XKR6: variants seen among roughly 807,000 people sequenced by gnomAD.
XKR6 encodes the protein XK-related protein 6.
A neutral mutation model predicts 56.7 loss-of-function variants in XKR6; 22 were observed. The observed-to-expected ratio is 0.39, with a 90% CI of 0.28 to 0.55. The LOEUF is 0.55. Among genes scored for constraint, XKR6 ranks in the 20% least tolerant of loss-of-function variants. The pLI is 0.66. For missense variants in XKR6, 852 were observed against 889.0 expected, an observed-to-expected ratio of 0.96 and a Z score of 0.53; for synonymous variants, 524 against 387.8, an observed-to-expected ratio of 1.35 and a Z score of -4.13.
intron 1 of XKR6, among the ~76,000 whole-genome samples, chr8:11,191,933 A>G (rs972571711): frequency 1.3e-5 from 2 of 152,204 alleles, no homozygotes; most frequent in Non-Finnish European, 2.9e-5. Flanking sequence ...GCTTTGTAGA[A>G]TGATTCTAAA....
At chr8:10,931,834 AC>A (rs66724330) in intron 1 of XKR6, among the ~76,000 whole-genome samples, 46,438 of 147,766 alleles carry the variant, frequency 0.31, 7,939 homozygotes, top group African/African-American at 0.46. Context: ...CATAAAAAAA[AC>A]AAAAAAGATA....
intron 1 of XKR6, among the ~76,000 whole-genome samples, chr8:11,075,894 C>T (rs1404464187): frequency 1.3e-5 from 2 of 152,128 alleles, no homozygotes; most frequent in East Asian, 3.9e-4. Context: ...AAAAACGTAA[C>T]TTGATCTTGA....
chr8:11,011,884 G>A (rs1798507851), intron 1 of XKR6, among the ~76,000 whole-genome samples: 1 of 152,216 alleles, frequency 6.6e-6, no homozygotes, highest in South Asian at 2.1e-4. Flanking sequence ...GCATGAGGGA[G>A]GGAGGCCAGT....
chr8:11,170,144 A>G (rs1248323881), intron 1 of XKR6, among the ~76,000 whole-genome samples: 1 of 152,204 alleles, frequency 6.6e-6, no homozygotes, highest in Non-Finnish European at 1.5e-5. Context: ...GCAGCTCCTC[A>G]AAAAGTTAAA....
At chr8:10,955,479 C>T (rs746481528) in intron 1 of XKR6, among the ~76,000 whole-genome samples, 1 of 152,180 alleles carries the variant, frequency 6.6e-6, no homozygotes, top group Non-Finnish European at 1.5e-5. Flanking sequence ...CCACATCCAG[C>T]CTCTCTGCCT....
chr8:10,909,342 C>A (rs147231544), intron 2 of XKR6, among the ~76,000 whole-genome samples: 1 of 152,164 alleles, frequency 6.6e-6, no homozygotes, highest in East Asian at 1.9e-4. Flanking sequence ...ATTACCCAGT[C>A]TGTTGTATTA....
chr8:11,125,112 A>G (rs1231719906), intron 1 of XKR6, among the ~76,000 whole-genome samples: 1 of 150,142 alleles, frequency 6.7e-6, no homozygotes, highest in Non-Finnish European at 1.5e-5. Flanking sequence ...AAGAAAAAGA[A>G]AAGAAAAAAA....
intron 1 of XKR6, among the ~76,000 whole-genome samples, chr8:10,927,283 C>A (rs776991072): frequency 2.0e-5 from 3 of 152,082 alleles, no homozygotes; most frequent in Non-Finnish European, 4.4e-5. Flanking sequence ...TCTTTGGCAC[C>A]CATGTCTAGG....
At chr8:10,988,638 C>A (rs142432841) in intron 1 of XKR6, among the ~76,000 whole-genome samples, 89 of 152,320 alleles carry the variant, frequency 5.8e-4, no homozygotes, top group African/African-American at 2.1e-3. Context: ...CAAGGGCACA[C>A]CCCTGGGCCT....
intron 2 of XKR6, among the ~76,000 whole-genome samples, chr8:10,920,707 C>T (rs1800685260): frequency 6.6e-6 from 1 of 152,248 alleles, no homozygotes; most frequent in Non-Finnish European, 1.5e-5. Flanking sequence ...GAGAGAAATG[C>T]CAAGCCCCTT....
intron 1 of XKR6, among the ~76,000 whole-genome samples, chr8:10,960,242 C>T (rs1563313124): frequency 6.6e-6 from 1 of 151,204 alleles, no homozygotes; most frequent in Admixed American, 6.6e-5. Flanking sequence ...ACAGGTATAG[C>T]AGGTAGGTGC....
At chr8:11,090,106 C>A (rs1024394254) in intron 1 of XKR6, among the ~76,000 whole-genome samples, 1 of 152,164 alleles carries the variant, frequency 6.6e-6, no homozygotes, top group African/African-American at 2.4e-5. Flanking sequence ...TTTTCCCACA[C>A]AGAGTCTTGC....
intron 1 of XKR6, among the ~76,000 whole-genome samples, chr8:10,967,227 G>A (rs1802253572): frequency 6.6e-6 from 1 of 152,304 alleles, no homozygotes; most frequent in Non-Finnish European, 1.5e-5. Flanking sequence ...ACTCATTTGT[G>A]AAAGCGGTTC....
chr8:11,033,409 GTGA>G (rs140288899), intron 1 of XKR6, among the ~76,000 whole-genome samples: 19,932 of 142,154 alleles, frequency 0.14, 1,763 homozygotes, highest in Middle Eastern at 0.18. Flanking sequence ...GATAGTGATG[GTGA>G]TGATGATGAT....
At chr8:10,912,743 T>TAG (rs1238146281) in intron 2 of XKR6, among the ~76,000 whole-genome samples, 2 of 144,600 alleles carry the variant, frequency 1.4e-5, no homozygotes, top group Admixed American at 7.0e-5. Flanking sequence ...TGCACATATA[T>TAG]AGAGAGAGAG....
intron 1 of XKR6, among the ~76,000 whole-genome samples, chr8:11,173,900 C>T (rs985042538): frequency 1.3e-5 from 2 of 152,034 alleles, no homozygotes; most frequent in Non-Finnish European, 2.9e-5. Flanking sequence ...AGACGGGACA[C>T]AGTGGGAAAA....
At position 11,103,822 on chromosome 8, in the gene XKR6, A is replaced by G. The variant is rs76007927; in HGVS notation, c.764+96754T>C. Among the ~76,000 whole-genome samples the G allele has an allele frequency of 1.4e-4, 22 of 152,350 alleles. No individual in the cohort carries two copies. The East Asian group carries it at 3.1e-3, about 21-fold the overall frequency. On this transcript the variant is annotated intron_variant, in intron 1 of 2. Coordinates refer to ENST00000416569, the MANE Select transcript of XKR6 (RefSeq NM_173683.4). ...TCATATTTTAGGCAAAATCATTTCA[A>G]TAAGTATTGATTTAGCATCTTTTCT...
At chr8:11,046,821 A>T (rs1017406623) in intron 1 of XKR6, among the ~76,000 whole-genome samples, 3 of 152,236 alleles carry the variant, frequency 2.0e-5, no homozygotes, top group Admixed American at 6.5e-5. Flanking sequence ...TCCTTAAAAG[A>T]TATTTAAATC....
chr8:11,120,017 G>A (rs936598183), intron 1 of XKR6, among the ~76,000 whole-genome samples: 1 of 152,118 alleles, frequency 6.6e-6, no homozygotes, highest in African/African-American at 2.4e-5. Context: ...AATAAATTAG[G>A]TATTGATGGG....
Sources: gnomAD v4.1 joint callset for allele counts (sites outside exome capture counted in the v4.1 genomes callset) on GRCh38, gnomAD v4.1.1 for gene constraint, MANE v1.5 for transcripts, NCBI Gene and HGNC (gene_info 2026-07-23, HGNC 2026-07-21) for gene names.